The following SUPT3H variants were observed in gnomAD, a reference collection of about 807,000 sequenced individuals.
SUPT3H encodes transcription initiation protein SPT3 homolog.
A neutral mutation model predicts 44.3 loss-of-function variants in SUPT3H; 44 were observed. The ratio of observed to expected loss-of-function variants is 0.99; its 90% CI spans 0.78 to 1.28. SUPT3H has a LOEUF of 1.28. Ranked by LOEUF, SUPT3H falls within the 50% of genes most tolerant of loss-of-function variation. SUPT3H has a pLI of 0.00. For synonymous variants in SUPT3H, 124 were observed against 125.6 expected (o/e 0.99, Z 0.09); for missense variants, 380 against 387.1 (o/e 0.98, Z 0.15).
At chr6:44,835,581 T>C (rs1319876323) in intron 10 of SUPT3H, among the ~76,000 whole-genome samples, 1 of 152,078 alleles carries the variant, frequency 6.6e-6, no homozygotes, top group Non-Finnish European at 1.5e-5. Flanking sequence ...AGGGAGGTAG[T>C]AGAATAAACT....
intron 2 of SUPT3H, among the ~76,000 whole-genome samples, chr6:45,301,238 G>A (rs1251300045): frequency 4.6e-5 from 7 of 152,116 alleles, no homozygotes; most frequent in Non-Finnish European, 8.8e-5. Flanking sequence ...CTACTGCAAC[G>A]AGAAAAAGGA....
At chr6:45,332,621 C>T (rs1024517356) in intron 2 of SUPT3H, among the ~76,000 whole-genome samples, 2 of 151,714 alleles carry the variant, frequency 1.3e-5, no homozygotes, top group African/African-American at 4.8e-5. Flanking sequence ...ATTAAAACTG[C>T]AAATACTATT....
At chr6:45,272,279 A>T (rs1333088459) in intron 2 of SUPT3H, among the ~76,000 whole-genome samples, 1 of 152,056 alleles carries the variant, frequency 6.6e-6, no homozygotes, top group African/African-American at 2.4e-5. Context: ...TCCCCACCCA[A>T]ACCTCATCTT....
intron 10 of SUPT3H, among the ~76,000 whole-genome samples, chr6:44,839,002 T>C (rs1770444453): frequency 6.6e-6 from 1 of 152,222 alleles, no homozygotes; most frequent in African/African-American, 2.4e-5. Context: ...ATATCATAAA[T>C]AACAAAAGTG....
chr6:45,183,847 T>C (rs1813704989), intron 2 of SUPT3H, among the ~76,000 whole-genome samples: 1 of 152,206 alleles, frequency 6.6e-6, no homozygotes, highest in Non-Finnish European at 1.5e-5. Context: ...TACTGTATGA[T>C]TCTGATACAA....
At chr6:45,142,216 C>T (rs1450627701) in intron 2 of SUPT3H, among the ~76,000 whole-genome samples, 1 of 152,080 alleles carries the variant, frequency 6.6e-6, no homozygotes, top group East Asian at 1.9e-4. Context: ...TACATTACTA[C>T]CAAGCCAGCA....
At chr6:45,220,515 GCAAAGATATC>G (rs1765856975) in intron 2 of SUPT3H, among the ~76,000 whole-genome samples, 1 of 152,184 alleles carries the variant, frequency 6.6e-6, no homozygotes, top group African/African-American at 2.4e-5. Context: ...TAGTAACAAG[GCAAAGATATC>G]CACTCTCCCC....
intron 6 of SUPT3H, among the ~76,000 whole-genome samples, chr6:44,987,964 T>C (rs1780051116): frequency 6.6e-6 from 1 of 152,148 alleles, no homozygotes; most frequent in African/African-American, 2.4e-5. Context: ...CTAGGATTGC[T>C]GGGCAGCGCC....
chr6:45,197,561 A>C (rs1482699402), intron 2 of SUPT3H: 3 of 271,138 alleles, frequency 1.1e-5, no homozygotes, highest in Admixed American at 5.4e-5. Context: ...AAAAAATAAG[A>C]ATTCAAATTG....
intron 2 of SUPT3H, among the ~76,000 whole-genome samples, chr6:45,173,907 A>C (rs1240294097): frequency 6.6e-6 from 1 of 152,146 alleles, no homozygotes; most frequent in Non-Finnish European, 1.5e-5. Context: ...ATCAATACCT[A>C]CTTTATTGTT....
At chr6:45,005,185 A>C (rs1782535267) in intron 5 of SUPT3H, among the ~76,000 whole-genome samples, 1 of 152,172 alleles carries the variant, frequency 6.6e-6, no homozygotes, top group Non-Finnish European at 1.5e-5. Context: ...AGCCTAATAA[A>C]TGTAAAGTGA....
At chr6:45,052,918 G>T (rs1386243259) in intron 3 of SUPT3H, among the ~76,000 whole-genome samples, 1 of 152,120 alleles carries the variant, frequency 6.6e-6, no homozygotes, top group African/African-American at 2.4e-5. Flanking sequence ...AGGTATGTGT[G>T]ATATGAGAGT....
chr6:45,052,055 T>A (rs1465295703), intron 3 of SUPT3H, among the ~76,000 whole-genome samples: 3 of 152,132 alleles, frequency 2.0e-5, no homozygotes, highest in African/African-American at 7.2e-5. Context: ...AAAAGCACAA[T>A]GAGCCAGACA....
chr6:45,015,109 G>A lies in SUPT3H; in HGVS notation c.274-218C>T, dbSNP rs1454558591. 2.6e-5 allele frequency among the ~76,000 whole-genome samples: 4 copies of A among 151,984 alleles called. No homozygotes were observed. In the East Asian group the frequency reaches 5.8e-4, roughly 22 times the overall value. On this transcript the variant is annotated intron_variant, in intron 4 of 10. Coordinates refer to ENST00000371459, the MANE Select transcript of SUPT3H (RefSeq NM_003599.4). ...AAGCAGTTTTCATTTACAAATATTC[G>A]GATGTTCCAGAATCACAATACTCAC...
chr6:45,186,598 T>C (rs764948555), intron 2 of SUPT3H, among the ~76,000 whole-genome samples: 1 of 152,140 alleles, frequency 6.6e-6, no homozygotes, highest in Non-Finnish European at 1.5e-5. Flanking sequence ...TTCTACCAGA[T>C]TTAAAGTAGA....
chr6:44,981,335 T>C (rs781566899), intron 6 of SUPT3H, among the ~76,000 whole-genome samples: 16 of 152,326 alleles, frequency 1.1e-4, no homozygotes, highest in Admixed American at 2.6e-4. Context: ...AGCATGAAAT[T>C]ACATTTTTGT....
chr6:45,206,745 G>C (rs1487187471), intron 2 of SUPT3H, among the ~76,000 whole-genome samples: 1 of 152,060 alleles, frequency 6.6e-6, no homozygotes, highest in East Asian at 1.9e-4. Flanking sequence ...GGCTGTGAGA[G>C]AGTTAAAGAT....
chr6:45,365,403 A>G (rs989132901), intron 1 of SUPT3H, 102 bp from the exon 2 acceptor site: 19 of 753,718 alleles, frequency 2.5e-5, no homozygotes, highest in Non-Finnish European at 4.0e-5. Context: ...AGTAGAGAAA[A>G]TTTAAATTTC....
At chr6:45,321,794 A>C (rs1584904810) in intron 2 of SUPT3H, 1 of 1,599,150 alleles carries the variant, frequency 6.3e-7, no homozygotes, top group East Asian at 2.2e-5. Flanking sequence ...CCCACTACTT[A>C]CCTGCCAGAA....
Sources: gnomAD v4.1 joint callset for allele counts (sites outside exome capture counted in the v4.1 genomes callset) on GRCh38, gnomAD v4.1.1 for gene constraint, MANE v1.5 for transcripts, NCBI Gene and HGNC (gene_info 2026-07-23, HGNC 2026-07-21) for gene names.